AGBL1: variants seen among roughly 807,000 people sequenced by gnomAD.
AGBL1 encodes the protein AGBL carboxypeptidase 1.
A neutral mutation model predicts 118.9 loss-of-function variants in AGBL1; 130 were observed. The ratio of observed to expected loss-of-function variants is 1.09; its 90% CI spans 0.95 to 1.26. The LOEUF (loss-of-function observed/expected upper bound fraction) is 1.26. Among genes scored for constraint, AGBL1 ranks in the 50% most tolerant of loss-of-function variants. The probability of loss-of-function intolerance (pLI) is 0.00; values close to 1 mark genes in which losing one functional copy is unlikely to be tolerated. For synonymous variants in AGBL1, 555 were observed against 478.9 expected (o/e 1.16, Z -2.08); for missense variants, 1,584 against 1,298.1 (o/e 1.22, Z -3.38).
intron 22 of AGBL1, among the ~76,000 whole-genome samples, chr15:86,724,252 AAAG>A (rs1567141582): frequency 2.0e-5 from 3 of 151,434 alleles, no homozygotes; most frequent in Non-Finnish European, 4.4e-5. Flanking sequence ...AAAAAAAAAA[AAAG>A]AAGGTGTTGA....
chr15:86,941,193 A>C (rs901055206), intron 23 of AGBL1, among the ~76,000 whole-genome samples: 2 of 152,230 alleles, frequency 1.3e-5, no homozygotes, highest in South Asian at 4.1e-4. Context: ...TTTGAAGAGC[A>C]CAAACTCTTT....
chr15:86,313,256 A>G (rs1597719273), intron 17 of AGBL1, among the ~76,000 whole-genome samples: 1 of 152,182 alleles, frequency 6.6e-6, no homozygotes, highest in Non-Finnish European at 1.5e-5. Context: ...GTAAGTGACT[A>G]TCTTCTTTGT....
At chr15:86,244,063 G>GTAAATAAA (rs10667570) in intron 6 of AGBL1, among the ~76,000 whole-genome samples, 22,324 of 143,734 alleles carry the variant, frequency 0.16, 1,783 homozygotes, top group South Asian at 0.18. Context: ...AGATAAATAA[G>GTAAATAAA]TAAATAAATA....
chr15:86,515,887 C>T (rs1480319381), intron 18 of AGBL1, among the ~76,000 whole-genome samples: 1 of 152,094 alleles, frequency 6.6e-6, no homozygotes, highest in Non-Finnish European at 1.5e-5. Context: ...TGACATGTGC[C>T]CGAGGTGGTT....
chr15:86,694,805 C>T (rs915299296), intron 22 of AGBL1, among the ~76,000 whole-genome samples: 7 of 151,792 alleles, frequency 4.6e-5, no homozygotes, highest in African/African-American at 1.2e-4. Flanking sequence ...AGTCATAAAG[C>T]GATGCTGGAT....
intron 5 of AGBL1, among the ~76,000 whole-genome samples, chr15:86,212,168 A>G (rs1007770630): frequency 1.3e-5 from 2 of 152,240 alleles, no homozygotes; most frequent in African/African-American, 4.8e-5. Flanking sequence ...CACCAAACAT[A>G]TATTTATAAA....
chr15:86,118,215 G>A (rs919543225), intron 1 of AGBL1, among the ~76,000 whole-genome samples: 2 of 152,200 alleles, frequency 1.3e-5, no homozygotes, highest in Non-Finnish European at 1.5e-5. Flanking sequence ...CATTTGAGGT[G>A]CTGGGGAGCC....
chr15:86,253,437 G>A (rs2078848142), intron 7 of AGBL1, among the ~76,000 whole-genome samples: 1 of 152,058 alleles, frequency 6.6e-6, no homozygotes, highest in African/African-American at 2.4e-5. Context: ...TTTTAGTAGA[G>A]ACGGGATTTC....
chr15:86,979,496 TTGGCGGG>T (rs1043232629), intron 23 of AGBL1, among the ~76,000 whole-genome samples: 3 of 151,480 alleles, frequency 2.0e-5, no homozygotes, highest in African/African-American at 7.2e-5. Flanking sequence ...TTTCTTTTTT[TTGGCGGG>T]GGGGAGATGG....
At chr15:86,304,839 CAG>C (rs1360474684) in intron 17 of AGBL1, 1 of 152,256 alleles carries the variant, frequency 6.6e-6, no homozygotes, top group East Asian at 1.9e-4. Context: ...GCTATGTTTT[CAG>C]AGAGTTACTG....
intron 22 of AGBL1, among the ~76,000 whole-genome samples, chr15:86,815,038 TGGC>T (rs1426385444): frequency 6.6e-6 from 1 of 152,184 alleles, no homozygotes; most frequent in Non-Finnish European, 1.5e-5. Context: ...TTTTTTAATA[TGGC>T]AGTTGACCAC....
intron 19 of AGBL1, among the ~76,000 whole-genome samples, chr15:86,542,497 G>C (rs2083517264): frequency 6.6e-6 from 1 of 151,398 alleles, no homozygotes; most frequent in Non-Finnish European, 1.5e-5. Context: ...CTCCTAAGTA[G>C]CTGGGATTAC....
At chr15:86,897,185 T>C (rs1207228068) in intron 22 of AGBL1, among the ~76,000 whole-genome samples, 1 of 152,184 alleles carries the variant, frequency 6.6e-6, no homozygotes, top group East Asian at 1.9e-4. Flanking sequence ...CTTATATACT[T>C]TTTTCCTTTA....
intron 19 of AGBL1, among the ~76,000 whole-genome samples, chr15:86,523,441 C>T (rs2083216847): frequency 6.6e-6 from 1 of 152,062 alleles, no homozygotes; most frequent in South Asian, 2.1e-4. Flanking sequence ...CTGCAAAGAC[C>T]CTGTTTCCAA....
intron 22 of AGBL1, among the ~76,000 whole-genome samples, chr15:86,696,927 C>T (rs1004751637): frequency 6.6e-6 from 1 of 151,826 alleles, no homozygotes; most frequent in Non-Finnish European, 1.5e-5. Flanking sequence ...AGATAGGGCC[C>T]CAATCCTTTT....
At chr15:86,130,243 A>G (rs1185641549) in intron 1 of AGBL1, among the ~76,000 whole-genome samples, 1 of 152,160 alleles carries the variant, frequency 6.6e-6, no homozygotes, top group East Asian at 1.9e-4. Flanking sequence ...AGATGAACAT[A>G]CACTACCACT....
chr15:86,171,048 T>C lies in AGBL1; in HGVS notation c.488+12022T>C, dbSNP rs547028191. On this transcript the variant is annotated intron_variant, in intron 5 of 22. Transcript: ENST00000614907. ...TATGGAATTCTGTACTCAGTGAAAA[T>C]AGCTTTTAAAACTGCTGATGAAATA... 3.3e-5 allele frequency among the ~76,000 whole-genome samples: 5 copies of C among 152,226 alleles called. No individual in the cohort carries two copies. In the South Asian group the frequency reaches 1.0e-3, roughly 32 times the overall value.
chr15:87,012,189 TTA>T (rs1177601266), intron 24 of AGBL1, among the ~76,000 whole-genome samples: 37 of 108,996 alleles, frequency 3.4e-4, no homozygotes, highest in Admixed American at 2.3e-3. Flanking sequence ...ATATACAAAT[TTA>T]TACACACACA....
intron 2 of AGBL1, 60 bp downstream of exon 2, chr15:86,142,127 C>G: frequency 6.6e-7 from 1 of 1,507,106 alleles, no homozygotes; most frequent in South Asian, 1.2e-5. Flanking sequence ...TGGCTGTGAT[C>G]TCTCCCAGGC....
Sources: gnomAD v4.1 joint callset for allele counts (sites outside exome capture counted in the v4.1 genomes callset) on GRCh38, gnomAD v4.1.1 for gene constraint, MANE v1.5 for transcripts, NCBI Gene and HGNC (gene_info 2026-07-23, HGNC 2026-07-21) for gene names.